Variants in GAREM1 observed in about 807,000 individuals in gnomAD.
The protein encoded by GAREM1 is GRB2-associated and regulator of MAPK protein 1.
Under a neutral mutation model 71.3 loss-of-function variants are expected in GAREM1, and 26 were observed. The ratio of observed to expected loss-of-function variants is 0.36; its 90% CI spans 0.27 to 0.51. The LOEUF is 0.51. Ranked by LOEUF, GAREM1 falls within the 20% of genes least tolerant of loss-of-function variation. The pLI is 0.95. For synonymous variants in GAREM1, 440 were observed against 433.2 expected, an observed-to-expected ratio of 1.02 and a Z score of -0.20; for missense variants, 1,026 against 1,103.1, an observed-to-expected ratio of 0.93 and a Z score of 0.99.
At chr18:32,448,307 A>G (rs1303091353) in intron 1 of GAREM1, among the ~76,000 whole-genome samples, 1 of 152,208 alleles carries the variant, frequency 6.6e-6, no homozygotes, top group Non-Finnish European at 1.5e-5. Context: ...TGTAATCAAT[A>G]AAAAATGTAA....
intron 2 of GAREM1, among the ~76,000 whole-genome samples, chr18:32,359,905 A>G (rs2144607489): frequency 6.6e-6 from 1 of 152,158 alleles, no homozygotes; most frequent in South Asian, 2.1e-4. Context: ...CAGCCTGGGC[A>G]ACCAAGTAAG....
At chr18:32,295,715 T>G (rs2047133046) in intron 3 of GAREM1, among the ~76,000 whole-genome samples, 1 of 152,190 alleles carries the variant, frequency 6.6e-6, no homozygotes, top group African/African-American at 2.4e-5. Flanking sequence ...TTTCCAATAG[T>G]GAAGTGAATT....
rs1156628031 is a variant in GAREM1 at position 32,267,831 on chromosome 18, AT to A, written c.*39del. 1.3e-6 allele frequency: 2 copies of A among 1,535,118 alleles called. No homozygotes were observed. Among genetic ancestry groups the A allele is most frequent in the African/African-American group, 1.4e-5 (1 of 72,994 alleles). Reference sequence around the variant, plus strand: ...CCAGCCCACCCCTTCTAGCACACGCATTGATCAGTTTTGTTCCATGCTGGCC... The same window carrying A: ...CCAGCCCACCCCTTCTAGCACACGCATGATCAGTTTTGTTCCATGCTGGCC... On this transcript the variant is annotated 3_prime_UTR_variant, in exon 6 of 6. Transcript: ENST00000269209.
chr18:32,437,178 C>T (rs1432688182), intron 1 of GAREM1, among the ~76,000 whole-genome samples: 2 of 152,154 alleles, frequency 1.3e-5, no homozygotes, highest in Non-Finnish European at 2.9e-5. Flanking sequence ...GAAAATAGCA[C>T]CAGACAGAGC....
rs532622482 is a variant in GAREM1 at position 32,427,177 on chromosome 18, A to G, written c.122-34142T>C. Among the ~76,000 whole-genome samples, 196 of 152,322 alleles carry G rather than the reference A, an allele frequency of 1.3e-3. 1 individual carries two copies. Among genetic ancestry groups the G allele is most frequent in the African/African-American group, 4.5e-3 (188 of 41,580 alleles). On this transcript the variant is annotated intron_variant, in intron 1 of 5. Coordinates refer to ENST00000269209, the MANE Select transcript of GAREM1 (RefSeq NM_001242409.2). ...TGCACTGCAAATCAATAAAAGAGATATCAAATGAACTAAGATAGGGACTTT... is the reference window on the plus strand; with the variant it reads ...TGCACTGCAAATCAATAAAAGAGATGTCAAATGAACTAAGATAGGGACTTT...
chr18:32,467,932 G>T (rs1270314560), intron 1 of GAREM1, among the ~76,000 whole-genome samples: 1 of 152,112 alleles, frequency 6.6e-6, no homozygotes, highest in Non-Finnish European at 1.5e-5. Flanking sequence ...TTAAAAACAT[G>T]CAAAGAATCT....
intron 2 of GAREM1, among the ~76,000 whole-genome samples, chr18:32,365,817 G>C (rs879689768): frequency 1.3e-5 from 2 of 152,174 alleles, no homozygotes; most frequent in Admixed American, 1.3e-4. Flanking sequence ...GCACAAAGTA[G>C]TATGAAACCT....
At position 32,280,881 on chromosome 18, in the gene GAREM1, C is replaced by A. The variant is rs541795170; in HGVS notation, c.1566+6150G>T. On this transcript the variant is annotated intron_variant, in intron 4 of 5. Transcript: ENST00000269209. Reference sequence around the variant, plus strand: ...GGATATGTCCACTCCCACCCACCTTCTGACTCTTTGGAGGGGACTTATGTA... The same window carrying A: ...GGATATGTCCACTCCCACCCACCTTATGACTCTTTGGAGGGGACTTATGTA... Among the ~76,000 whole-genome samples the A allele has an allele frequency of 2.6e-4, 40 of 152,264 alleles. No homozygotes were observed. In the South Asian group the frequency reaches 8.1e-3, roughly 31 times the overall value.
intron 1 of GAREM1, among the ~76,000 whole-genome samples, chr18:32,453,197 T>C (rs1253615060): frequency 6.6e-6 from 1 of 152,172 alleles, no homozygotes; most frequent in South Asian, 2.1e-4. Context: ...AACCATCAGA[T>C]CTGGTGAGAC....
chr18:32,356,519 T>G (rs1383022420), intron 2 of GAREM1, among the ~76,000 whole-genome samples: 1 of 152,210 alleles, frequency 6.6e-6, no homozygotes, highest in African/African-American at 2.4e-5. Flanking sequence ...CTCTGTCCAT[T>G]AACACCTGTT....
intron 4 of GAREM1, among the ~76,000 whole-genome samples, chr18:32,270,932 C>T (rs1394215894): frequency 8.6e-6 from 1 of 116,814 alleles, no homozygotes; most frequent in Non-Finnish European, 1.7e-5. Context: ...GATGGAGTCT[C>T]ACTCTGTCGC....
chr18:32,320,593 G>T (rs555056571), intron 2 of GAREM1, among the ~76,000 whole-genome samples: 1 of 152,170 alleles, frequency 6.6e-6, no homozygotes, highest in East Asian at 1.9e-4. Flanking sequence ...ATAATGAACT[G>T]CACCATAGAT....
chr18:32,313,701 C>T (rs1184277744), intron 2 of GAREM1, among the ~76,000 whole-genome samples: 2 of 151,892 alleles, frequency 1.3e-5, no homozygotes, highest in African/African-American at 2.4e-5. Context: ...GGTGGACAAG[C>T]GGTTTAAAGC....
chr18:32,302,546 C>CT (rs2047211190), intron 3 of GAREM1, among the ~76,000 whole-genome samples: 1 of 152,234 alleles, frequency 6.6e-6, no homozygotes, highest in African/African-American at 2.4e-5. Context: ...GGAGGAAAAT[C>CT]GTGTTATCTG....
intron 2 of GAREM1, among the ~76,000 whole-genome samples, chr18:32,357,952 A>G (rs1295444937): frequency 6.6e-6 from 1 of 152,162 alleles, no homozygotes; most frequent in Non-Finnish European, 1.5e-5. Context: ...CTACTCATAC[A>G]CTATTGTTAC....
chr18:32,437,061 T>A (rs986267344), intron 1 of GAREM1, among the ~76,000 whole-genome samples: 1 of 152,196 alleles, frequency 6.6e-6, no homozygotes, highest in African/African-American at 2.4e-5. Context: ...ATGTTCTTCA[T>A]TTTACACCTG....
chr18:32,416,194 A>G (rs1306990737), intron 1 of GAREM1, among the ~76,000 whole-genome samples: 2 of 152,138 alleles, frequency 1.3e-5, no homozygotes, highest in African/African-American at 4.8e-5. Context: ...AATGAAAACT[A>G]TAAAACACTG....
intron 4 of GAREM1, among the ~76,000 whole-genome samples, chr18:32,281,637 T>C (rs2046952166): frequency 6.6e-6 from 1 of 152,246 alleles, no homozygotes; most frequent in African/African-American, 2.4e-5. Context: ...ATTGCTATAA[T>C]ATCAACCACT....
chr18:32,340,983 A>T (rs1038657486), intron 2 of GAREM1, among the ~76,000 whole-genome samples: 4 of 150,068 alleles, frequency 2.7e-5, no homozygotes, highest in South Asian at 4.2e-4. Flanking sequence ...GTATTGGATT[A>T]TTTTTTTTTT....
Sources: gnomAD v4.1 joint callset for allele counts (sites outside exome capture counted in the v4.1 genomes callset) on GRCh38, gnomAD v4.1.1 for gene constraint, MANE v1.5 for transcripts, NCBI Gene and HGNC (gene_info 2026-07-23, HGNC 2026-07-21) for gene names.